The following ZNF845 variants were observed in gnomAD, a reference collection of about 807,000 sequenced individuals.
The protein encoded by ZNF845 is zinc finger protein 845.
Under a neutral mutation model 76.1 loss-of-function variants are expected in ZNF845, and 59 were observed. The ratio of observed to expected loss-of-function variants is 0.78; its 90% CI spans 0.63 to 0.96. The LOEUF (loss-of-function observed/expected upper bound fraction) is 0.96, where lower values mean the gene tolerates loss of function less well. Among genes scored for constraint, ZNF845 ranks in the 40% least tolerant of loss-of-function variants. The pLI, the probability that ZNF845 is intolerant of heterozygous loss-of-function variation, is 0.00. For missense variants in ZNF845, 1,045 were observed against 1,172.8 expected (o/e 0.89, Z 1.59); for synonymous variants, 361 against 386.9 (o/e 0.93, Z 0.78).
intron 3 of ZNF845, among the ~76,000 whole-genome samples, chr19:53,350,050 A>G (rs2085322497): frequency 1.3e-5 from 2 of 152,214 alleles, no homozygotes; most frequent in African/African-American, 4.8e-5. Context: ...ATATAAAAAT[A>G]CAAACAATTT....
Position 53,354,744 on chromosome 19 carries a change from A to C in ZNF845, c.*1156A>C, listed in dbSNP as rs2085372525. 6.6e-6 allele frequency: 1 copy of C among 152,242 alleles called. No individual in the cohort carries two copies. The highest frequency in any genetic ancestry group is 2.4e-5 in the African/African-American group (1 of 41,458). The allele number at this position is 152,242 out of a possible 1,614,324, so 9.4% of individuals were successfully genotyped here. A position where few individuals can be genotyped will look rare whatever the true frequency, so the allele number is the denominator to read the frequency against. ...TTTCATAGCAAATTGAAGTGTGTTC[A>C]TAAGTTTCTTTAAACATTATTTATT... is the stretch of plus-strand genomic sequence containing the variant. On this transcript the variant is annotated 3_prime_UTR_variant, in exon 4 of 4. Coordinates refer to ENST00000458035, the MANE Select transcript of ZNF845 (RefSeq NM_138374.3).
intron 3 of ZNF845, 22 bp downstream of exon 3, chr19:53,345,654 A>G: frequency 6.2e-7 from 1 of 1,610,898 alleles, no homozygotes; most frequent in Non-Finnish European, 8.5e-7. Context: ...TTCCCTCCAG[A>G]AGTGGGGATG....
chr19:53,353,898 G>T lies in ZNF845; in HGVS notation c.*310G>T. ...ACTACAACCGTTTCAAATCATTGGA[G>T]AATCCATAATGAGAGATTTTGAAAG... On this transcript the variant is annotated 3_prime_UTR_variant, in exon 4 of 4. Transcript: ENST00000458035. 9.6e-7 allele frequency: 1 copy of T among 1,040,224 alleles called. No individual in the cohort carries two copies. The highest frequency in any genetic ancestry group is 1.4e-6 in the Non-Finnish European group (1 of 726,684). 64.4% of individuals were successfully genotyped at this position (1,040,224 alleles called of 1,614,324 possible).
In ZNF845 at chr19:53,353,161, AACCTT is replaced by A. The variant is rs1409033569; in HGVS notation, c.2489_2493del (p.Pro830GlnfsTer3). On this transcript the variant is annotated frameshift_variant, in exon 4 of 4. Transcript: ENST00000458035. LOFTEE classifies it high-confidence loss of function. ...CATAAGGCAATTCATAGTGGAGAGAAACCTTACAAGTGTAATGAGTGTGGCAAGAC... is the reference window on the plus strand; with the variant it reads ...CATAAGGCAATTCATAGTGGAGAGAAACAAGTGTAATGAGTGTGGCAAGAC... The A allele has an allele frequency of 2.6e-5, 42 of 1,612,868 alleles. No homozygotes were observed. The highest frequency in any genetic ancestry group is 3.4e-5 in the Non-Finnish European group (40 of 1,179,034).
chr19:53,342,404 G>A (rs773626387), intron 2 of ZNF845, among the ~76,000 whole-genome samples: 11 of 152,210 alleles, frequency 7.2e-5, no homozygotes, highest in Admixed American at 1.3e-4. Flanking sequence ...GGCATGAGCC[G>A]TGCCCAGCCC....
Position 53,352,869 on chromosome 19 carries a change from T to G in ZNF845, c.2194T>G (p.Ser732Ala). Residue 732 changes from serine to alanine, a missense_variant, in exon 4 of 4, where the codon TCA becomes GCA. Ser to Ala is a moderately conservative substitution (Grantham distance 99). Transcript: ENST00000458035. ...NECGKAFSQKSSLTCHLRLHT... is the reference protein window; with the variant it reads ...NECGKAFSQKASLTCHLRLHT... The stretch of plus-strand genomic sequence containing the variant: ...GTGTGGCAAGGCCTTCAGTCAGAAG[T>G]CATCCCTTACATGCCATCTTAGACT... 6.2e-7 allele frequency: 1 copy of G among 1,613,602 alleles called. No homozygotes were observed. The highest frequency in any genetic ancestry group is 8.5e-7 in the Non-Finnish European group (1 of 1,179,908).
chr19:53,340,995 A>G (rs1323467935), intron 1 of ZNF845: 2 of 470,086 alleles, frequency 4.3e-6, no homozygotes, highest in Non-Finnish European at 7.5e-6. Flanking sequence ...TCTGTGACCC[A>G]CCTCCCATTT....
Position 53,353,972 on chromosome 19 carries a change from C to A in ZNF845, c.*384C>A. 3.8e-6 allele frequency: 2 copies of A among 531,694 alleles called. No individual in the cohort carries two copies. The highest frequency in any genetic ancestry group is 3.9e-5 in the South Asian group (2 of 51,660). 32.9% of individuals were successfully genotyped at this position (531,694 alleles called of 1,614,324 possible). On this transcript the variant is annotated 3_prime_UTR_variant, in exon 4 of 4. Coordinates refer to ENST00000458035, the MANE Select transcript of ZNF845 (RefSeq NM_138374.3). ...CAGACATTGTTCATACCTTGCAGTT[C>A]ATCGGTGAACTCATGCTGGAGAGAA...
chr19:53,338,945 A>G (rs1345286728), intron 1 of ZNF845, among the ~76,000 whole-genome samples: 3 of 151,752 alleles, frequency 2.0e-5, no homozygotes, highest in East Asian at 3.9e-4. Flanking sequence ...AAGAAAGAAA[A>G]AAAAATGAGC....
intron 2 of ZNF845, among the ~76,000 whole-genome samples, chr19:53,341,636 T>G (rs538009294): frequency 1.3e-5 from 2 of 152,098 alleles, no homozygotes; most frequent in African/African-American, 4.8e-5. Context: ...CACATCTGGA[T>G]GCACTGTCAG....
Position 53,353,967 on chromosome 19 carries a change from C to A in ZNF845, c.*379C>A. The A allele has an allele frequency of 1.8e-6, 1 of 542,930 alleles. No homozygotes were observed. Among genetic ancestry groups the A allele is most frequent in the Non-Finnish European group, 3.2e-6 (1 of 315,112 alleles). 33.6% of individuals were successfully genotyped at this position (542,930 alleles called of 1,614,324 possible). Reference sequence around the variant, plus strand: ...TTTTTCAGACATTGTTCATACCTTGCAGTTCATCGGTGAACTCATGCTGGA... The same window carrying A: ...TTTTTCAGACATTGTTCATACCTTGAAGTTCATCGGTGAACTCATGCTGGA... On this transcript the variant is annotated 3_prime_UTR_variant, in exon 4 of 4. Coordinates refer to ENST00000458035, the MANE Select transcript of ZNF845 (RefSeq NM_138374.3).
In ZNF845 at chr19:53,350,931, TG is replaced by T. The variant is rs1157309292; in HGVS notation, c.257del (p.Cys86SerfsTer28). The T allele has an allele frequency of 6.2e-7, 1 of 1,614,196 alleles. No homozygotes were observed. On this transcript the variant is annotated frameshift_variant, in exon 4 of 4. Coordinates refer to ENST00000458035, the MANE Select transcript of ZNF845 (RefSeq NM_138374.3). LOFTEE classifies it high-confidence loss of function. ...RHERHHIGDF[C>X]FQEMEKDIHD... is the part of the protein sequence containing the mutation. ...TGAACGTCATCACATTGGAGATTTT[TG>T]CTTCCAGGAAATGGAGAAAGATATT...
In ZNF845 at chr19:53,353,009, G is replaced by A. The variant is rs2085354565; in HGVS notation, c.2334G>A (p.Lys778=). The part of the protein sequence containing the change: ...IHTGEKPYKC[K]VCDKAFGRDS... ...CTGGAGAGAAACCATACAAATGTAA[G>A]GTTTGTGACAAAGCTTTTGGGCGTG... The change falls in exon 4 of 4, where the codon AAG becomes AAA. Residue 778 remains lysine (K), a synonymous_variant. Transcript: ENST00000458035. 7 of 1,613,222 alleles carry A rather than the reference G, an allele frequency of 4.3e-6. No individual in the cohort carries two copies. Among genetic ancestry groups the A allele is most frequent in the Non-Finnish European group, 5.9e-6 (7 of 1,179,752 alleles).
rs772633428 is a variant in ZNF845, at chr19:53,353,343, A to G, written c.2668A>G (p.Asn890Asp). The G allele has an allele frequency of 6.2e-7, 1 of 1,613,690 alleles. No homozygotes were observed. Among genetic ancestry groups the G allele is most frequent in the South Asian group, 1.1e-5 (1 of 91,042 alleles). The stretch of plus-strand genomic sequence containing the variant: ...TACTGGAGAGAAACCTTACAAGTGT[A>G]ATAAATGTGGTAAGGTTTTTAATCA... ...LHTGEKPYKC[N>D]KCGKVFNQQA... Residue 890 changes from asparagine to aspartate, a missense_variant, in exon 4 of 4, where the codon AAT becomes GAT. Coordinates refer to ENST00000458035, the MANE Select transcript of ZNF845 (RefSeq NM_138374.3).
chr19:53,342,210 G>A (rs1382417302), intron 2 of ZNF845, among the ~76,000 whole-genome samples: 1 of 151,854 alleles, frequency 6.6e-6, no homozygotes, highest in African/African-American at 2.4e-5. Context: ...CACCTCCCGG[G>A]TTCAAGAGAT....
intron 3 of ZNF845, 84 bp from the exon 4 acceptor site, chr19:53,350,734 T>A (rs1330008180): frequency 9.4e-6 from 14 of 1,494,886 alleles, no homozygotes; most frequent in African/African-American, 5.6e-5. Flanking sequence ...AAATAAGTAT[T>A]GTTTTTAGTG....
At chr19:53,342,332 G>A (rs576084555) in intron 2 of ZNF845, among the ~76,000 whole-genome samples, 1 of 152,130 alleles carries the variant, frequency 6.6e-6, no homozygotes, top group East Asian at 1.9e-4. Flanking sequence ...GGCCAGGCTG[G>A]TCTCAAACTT....
In ZNF845 at chr19:53,351,433, A is replaced by T. The variant is rs1230926238; in HGVS notation, c.758A>T (p.Asn253Ile). 5.0e-6 allele frequency: 8 copies of T among 1,614,186 alleles called. No homozygotes were observed. The highest frequency in any genetic ancestry group is 6.8e-6 in the Non-Finnish European group (8 of 1,180,028). Residue 253 changes from asparagine to isoleucine, a missense_variant, in exon 4 of 4, where the codon AAT (asparagine) becomes ATT (isoleucine). Transcript: ENST00000458035. ...TGTGATGTGTGTGGCAAGGTCTTTA[A>T]TCAAAAGCGATATCTTGCATGTCAT... is the stretch of plus-strand genomic sequence containing the variant. ...YKCDVCGKVF[N>I]QKRYLACHRR...
In ZNF845 at chr19:53,351,997, G is replaced by A; in HGVS notation, c.1322G>A (p.Cys441Tyr). The change falls in exon 4 of 4, where the codon TGT (cysteine) becomes TAT (tyrosine). Residue 441 changes from cysteine (C) to tyrosine (Y), a missense_variant. Physicochemically the swap from Cys to Tyr is radical, Grantham distance 194. Transcript: ENST00000458035. ...RLHTGEKPYKCEECDEAFSFK... is the reference protein window; with the variant it reads ...RLHTGEKPYKYEECDEAFSFK... ...CATACTGGAGAGAAACCTTACAAATGTGAAGAATGTGATGAAGCTTTCAGT... is the reference window on the plus strand; with the variant it reads ...CATACTGGAGAGAAACCTTACAAATATGAAGAATGTGATGAAGCTTTCAGT... 2 of 1,614,054 alleles carry A rather than the reference G, an allele frequency of 1.2e-6. No individual in the cohort carries two copies. Among genetic ancestry groups the A allele is most frequent in the South Asian group, 1.1e-5 (1 of 91,070 alleles).
Sources: gnomAD v4.1 joint callset for allele counts (sites outside exome capture counted in the v4.1 genomes callset) on GRCh38, gnomAD v4.1.1 for gene constraint, MANE v1.5 for transcripts, NCBI Gene and HGNC (gene_info 2026-07-23, HGNC 2026-07-21) for gene names.